The following ASZ1 variants were observed in gnomAD, a reference collection of about 807,000 sequenced individuals.
ASZ1 encodes the protein ankyrin repeat, SAM and basic leucine zipper domain-containing protein 1.
In ASZ1, 67 loss-of-function variants were observed where a neutral mutation model predicts 61.8. The observed-to-expected ratio is 1.08, with a 90% CI of 0.89 to 1.33. ASZ1 has a LOEUF of 1.33. ASZ1 is among the 40% of genes most tolerant of loss of function. The pLI is 0.00. For missense variants in ASZ1, 577 were observed against 554.5 expected, an observed-to-expected ratio of 1.04 and a Z score of -0.41; for synonymous variants, 193 against 192.7, an observed-to-expected ratio of 1.00 and a Z score of -0.01.
rs1466011192 is a variant in ASZ1 at position 117,385,765 on chromosome 7, G to A, written c.485C>T (p.Thr162Ile). The change falls in exon 5 of 13, where the codon ACC (threonine) becomes ATC (isoleucine). Residue 162 changes from threonine to isoleucine, a missense_variant. Coordinates refer to ENST00000284629, the MANE Select transcript of ASZ1 (RefSeq NM_130768.3). Reference protein sequence around the residue: ...PIMYAARDGHTQVVALLVAHG... With the variant: ...PIMYAARDGHIQVVALLVAHG... Reference sequence around the variant, plus strand: ...AGCAACAAGGAGAGCAACAACCTGGGTGTGACCATCTCGAGCAGCATACAT... The same window carrying A: ...AGCAACAAGGAGAGCAACAACCTGGATGTGACCATCTCGAGCAGCATACAT... 2 of 1,613,490 alleles carry A rather than the reference G, an allele frequency of 1.2e-6. No individual in the cohort carries two copies. Among genetic ancestry groups the A allele is most frequent in the Non-Finnish European group, 1.7e-6 (2 of 1,179,738 alleles).
At chr7:117,364,688 A>G (rs1795900508) in intron 12 of ASZ1, among the ~76,000 whole-genome samples, 2 of 152,192 alleles carry the variant, frequency 1.3e-5, no homozygotes, top group Admixed American at 6.6e-5. Flanking sequence ...ATATTTAATT[A>G]AAAAGCTTGC....
chr7:117,387,361 C>G (rs1796380751), intron 4 of ASZ1, among the ~76,000 whole-genome samples: 1 of 151,706 alleles, frequency 6.6e-6, no homozygotes, highest in Admixed American at 6.6e-5. Context: ...ACCCAAAACC[C>G]CCACATACAC....
chr7:117,384,852 C>T lies in ASZ1; in HGVS notation c.561G>A (p.Thr187=), dbSNP rs753320399. ...TQDENGYTAL[T]WAARQGHKNI... ...TTTTATGACCCTGACGTGCTGCCCA[C>T]GTTAAAGCCTGTAAGTAGGGGGAAA... Residue 187 remains threonine (T), a synonymous_variant, in exon 6 of 13, where the codon ACG becomes ACA. Coordinates refer to ENST00000284629, the MANE Select transcript of ASZ1 (RefSeq NM_130768.3). 1.9e-5 allele frequency: 30 copies of T among 1,589,820 alleles called. No homozygotes were observed. The highest frequency in any genetic ancestry group is 6.8e-5 in the African/African-American group (5 of 73,520).
intron 4 of ASZ1, among the ~76,000 whole-genome samples, chr7:117,415,441 A>C (rs909235148): frequency 6.6e-6 from 1 of 152,184 alleles, no homozygotes; most frequent in Non-Finnish European, 1.5e-5. Context: ...AGATCATTTC[A>C]GGTCACCAAG....
intron 4 of ASZ1, among the ~76,000 whole-genome samples, chr7:117,412,039 AGTGTGTGTGTGTGTGT>A (rs57672347): frequency 4.7e-5 from 6 of 128,444 alleles, no homozygotes; most frequent in Middle Eastern, 8.0e-3. Context: ...AGTGAAAAGA[AGTGTGTGTGTGTGTGT>A]GTGTGTGTGT....
At chr7:117,367,595 A>G in intron 11 of ASZ1, 130 bp from the exon 12 acceptor site, 13 of 1,169,742 alleles carry the variant, frequency 1.1e-5, no homozygotes, top group Non-Finnish European at 1.3e-5. Flanking sequence ...TGTTTAGGAT[A>G]AATACTGACA....
chr7:117,411,422 C>T lies in ASZ1; in HGVS notation c.440+8741G>A, dbSNP rs553000278. ...AACTAATTAAAAATCAGAAAAATAA[C>T]AAAACTATAACATGCTCACTTTTAT... On this transcript the variant is annotated intron_variant, in intron 4 of 12. Transcript: ENST00000284629. Among the ~76,000 whole-genome samples the T allele has an allele frequency of 5.9e-5, 9 of 151,780 alleles. No individual in the cohort carries two copies. In the East Asian group the frequency reaches 1.7e-3, roughly 29 times the overall value.
intron 4 of ASZ1, among the ~76,000 whole-genome samples, chr7:117,406,360 T>C (rs1298803574): frequency 1.3e-5 from 2 of 151,874 alleles, no homozygotes; most frequent in Non-Finnish European, 2.9e-5. Flanking sequence ...AATATGAAAA[T>C]AGAGGATGGA....
intron 4 of ASZ1, among the ~76,000 whole-genome samples, chr7:117,408,647 A>G (rs1340165765): frequency 6.6e-6 from 1 of 152,202 alleles, no homozygotes; most frequent in Non-Finnish European, 1.5e-5. Context: ...ACAAACTTTA[A>G]TATATCCAAA....
At chr7:117,410,586 G>C (rs960717557) in intron 4 of ASZ1, among the ~76,000 whole-genome samples, 5 of 151,428 alleles carry the variant, frequency 3.3e-5, no homozygotes, top group Non-Finnish European at 7.4e-5. Flanking sequence ...GATTCTTGTT[G>C]AGAATTTCTG....
At chr7:117,390,037 G>T (rs970023337) in intron 4 of ASZ1, among the ~76,000 whole-genome samples, 4 of 152,062 alleles carry the variant, frequency 2.6e-5, no homozygotes, top group Admixed American at 2.6e-4. Context: ...ATGGCCTCCA[G>T]CTGCATGCGT....
intron 12 of ASZ1, among the ~76,000 whole-genome samples, chr7:117,366,974 T>C (rs962406539): frequency 2.0e-5 from 3 of 152,306 alleles, no homozygotes; most frequent in South Asian, 2.1e-4. Flanking sequence ...ATGGTACATA[T>C]AATTTGGGAT....
chr7:117,382,020 A>G, intron 8 of ASZ1, 49 bp downstream of exon 8: 1 of 1,197,418 alleles, frequency 8.4e-7, no homozygotes, highest in Non-Finnish European at 1.2e-6. Context: ...ATATTAACCA[A>G]CAAATTAACA....
In ASZ1 at chr7:117,390,178, G is replaced by GTTTT. The variant is rs200159371; in HGVS notation, c.441-4370_441-4369insAAAA. Among the ~76,000 whole-genome samples the GTTTT allele has an allele frequency of 5.2e-3, 541 of 104,244 alleles. 4 individuals are homozygous for GTTTT. Among genetic ancestry groups the GTTTT allele is most frequent in the African/African-American group, 0.037 (522 of 14,202 alleles). The allele number at this position is 104,244 out of a possible 152,430, so 68.4% of individuals were successfully genotyped here. On this transcript the variant is annotated intron_variant, in intron 4 of 12. Coordinates refer to ENST00000284629, the MANE Select transcript of ASZ1 (RefSeq NM_130768.3). ...GGTTCTATATCTTTGTAACAGTGGG[G>GTTTT]GTTTTTTTTTTGAGACAGGGTTGTA...
At chr7:117,408,205 T>C (rs1796827851) in intron 4 of ASZ1, among the ~76,000 whole-genome samples, 1 of 152,166 alleles carries the variant, frequency 6.6e-6, no homozygotes, top group East Asian at 1.9e-4. Flanking sequence ...TCTTTCTGCC[T>C]CCGTCCCCCA....
Position 117,395,295 on chromosome 7 carries a change from T to C in ASZ1, c.441-9486A>G, listed in dbSNP as rs546436526. On this transcript the variant is annotated intron_variant, in intron 4 of 12. Coordinates refer to ENST00000284629, the MANE Select transcript of ASZ1 (RefSeq NM_130768.3). ...TCTGTGGAAGGGCAAGACTTTAGCA[T>C]ATTCTCAGTTTAAGAGCTTGAATTC... 2.6e-5 allele frequency among the ~76,000 whole-genome samples: 4 copies of C among 152,304 alleles called. No homozygotes were observed. In the East Asian group the frequency reaches 7.7e-4, roughly 29 times the overall value.
At chr7:117,384,691 C>A in intron 6 of ASZ1, 35 bp downstream of exon 6, 2 of 1,567,750 alleles carry the variant, frequency 1.3e-6, no homozygotes, top group South Asian at 1.2e-5. Flanking sequence ...TGTGATATGC[C>A]ACAGAAAATA....
At chr7:117,392,832 AATT>A (rs1218315934) in intron 4 of ASZ1, among the ~76,000 whole-genome samples, 8 of 151,504 alleles carry the variant, frequency 5.3e-5, no homozygotes, top group Non-Finnish European at 1.2e-4. Flanking sequence ...AATTACCAGA[AATT>A]ATTAAGATAT....
Position 117,363,352 on chromosome 7 carries a change from AC to A in ASZ1, c.*243del, listed in dbSNP as rs774277401. 29 of 266,474 alleles carry A rather than the reference AC, an allele frequency of 1.1e-4. No individual in the cohort carries two copies. The highest frequency in any genetic ancestry group is 1.9e-4 in the Non-Finnish European group (27 of 143,764). 16.5% of individuals were successfully genotyped at this position (266,474 alleles called of 1,614,324 possible). A position where few individuals can be genotyped will look rare whatever the true frequency, so the allele number is the denominator to read the frequency against. ...CTTTAATTTTGAATGTGATTTAGAT[AC>A]GATCAAACCAAAAAATTACTTATAC... On this transcript the variant is annotated 3_prime_UTR_variant, in exon 13 of 13. Transcript: ENST00000284629.
Sources: gnomAD v4.1 joint callset for allele counts (sites outside exome capture counted in the v4.1 genomes callset) on GRCh38, gnomAD v4.1.1 for gene constraint, MANE v1.5 for transcripts, NCBI Gene and HGNC (gene_info 2026-07-23, HGNC 2026-07-21) for gene names.